Variants in TENM2 observed in about 807,000 individuals in gnomAD.
TENM2 encodes the protein teneurin-2.
In TENM2, 52 loss-of-function variants were observed where a neutral mutation model predicts 245.2. That is an observed-to-expected ratio of 0.21 (90% CI 0.17 to 0.27). The LOEUF is 0.27. TENM2 is among the 10% of genes least tolerant of loss of function. TENM2 has a pLI of 1.00. For missense variants in TENM2, 3,046 were observed against 3,666.8 expected (o/e 0.83, Z 4.37); for synonymous variants, 1,363 against 1,438.9 (o/e 0.95, Z 1.19).
chr5:167,791,413 T>C (rs1263325706), intron 2 of TENM2, among the ~76,000 whole-genome samples: 3 of 144,862 alleles, frequency 2.1e-5, no homozygotes, highest in Non-Finnish European at 1.5e-5. Flanking sequence ...CTCATAGATA[T>C]GAAATATATA....
intron 2 of TENM2, chr5:167,728,782 G>A (rs1191723001): frequency 6.6e-6 from 1 of 152,494 alleles, no homozygotes; most frequent in Admixed American, 6.5e-5. Flanking sequence ...TGGAGACAAT[G>A]TTGGTGGGAA....
At chr5:167,277,476 C>T in the TENM2 span, among the ~76,000 whole-genome samples, 1 of 152,024 alleles carries the variant, frequency 6.6e-6, no homozygotes, top group Non-Finnish European at 1.5e-5. Flanking sequence ...GGAACATACT[C>T]TGTATGATTT....
intron 5 of TENM2, among the ~76,000 whole-genome samples, chr5:168,009,414 C>G (rs1785060746): frequency 6.6e-6 from 1 of 152,184 alleles, no homozygotes; most frequent in Admixed American, 6.5e-5. Flanking sequence ...CTTACCGTAC[C>G]AGGCTGAAGG....
chr5:167,637,435 A>T (rs377464055), intron 2 of TENM2, among the ~76,000 whole-genome samples: 100 of 152,280 alleles, frequency 6.6e-4, no homozygotes, highest in African/African-American at 2.3e-3. Context: ...AAAAAATTAG[A>T]ATTTAGACCA....
Position 168,215,002 on chromosome 5 carries a change from C to T in TENM2, c.3846-38C>T. On this transcript the variant is annotated intron_variant, in intron 20 of 28. Coordinates refer to ENST00000518659, the Ensembl canonical transcript of TENM2. Reference sequence around the variant, plus strand: ...TTGATCTAGGAGGCCAGCTCCATAGCCCCCTCCTCATTTCTCTTTGTGCTT... The same window carrying T: ...TTGATCTAGGAGGCCAGCTCCATAGTCCCCTCCTCATTTCTCTTTGTGCTT... The T allele has an allele frequency of 5.1e-6, 8 of 1,565,402 alleles. No individual in the cohort carries two copies. The East Asian group carries it at 1.1e-4, about 22-fold the overall frequency.
chr5:167,353,600 C>T (rs1273091867), intron 1 of TENM2, among the ~76,000 whole-genome samples: 5 of 148,728 alleles, frequency 3.4e-5, no homozygotes, highest in South Asian at 4.3e-4. Context: ...CTCCGCCTCC[C>T]GGGTTCACGC....
chr5:167,024,249 A>T, the TENM2 span, among the ~76,000 whole-genome samples: 1 of 152,160 alleles, frequency 6.6e-6, no homozygotes, highest in Non-Finnish European at 1.5e-5. Flanking sequence ...AATTTTGGTA[A>T]ATCATTAGAA....
intron 2 of TENM2, among the ~76,000 whole-genome samples, chr5:167,567,973 T>G (rs1183169054): frequency 1.1e-5 from 1 of 88,562 alleles, no homozygotes; most frequent in Non-Finnish European, 2.4e-5. Context: ...CAATATATAT[T>G]GTACAAAAAA....
chr5:167,168,530 C>T, the TENM2 span: 1 of 152,204 alleles, frequency 6.6e-6, no homozygotes, highest in Non-Finnish European at 1.5e-5. Flanking sequence ...CAAATAATCA[C>T]TTACTTGTGC....
intron 2 of TENM2, among the ~76,000 whole-genome samples, chr5:167,427,913 GGGAA>G (rs1763971318): frequency 2.1e-5 from 3 of 143,364 alleles, no homozygotes; most frequent in Non-Finnish European, 4.6e-5. Flanking sequence ...AGGGAAGGAA[GGGAA>G]GGAAGGAAGG....
At chr5:167,840,968 A>T (rs925039583) in intron 2 of TENM2, among the ~76,000 whole-genome samples, 1 of 152,036 alleles carries the variant, frequency 6.6e-6, no homozygotes, top group African/African-American at 2.4e-5. Flanking sequence ...TTCACACAAC[A>T]CACCCAATTT....
intron 2 of TENM2, among the ~76,000 whole-genome samples, chr5:167,557,117 A>G (rs1466989358): frequency 2.0e-5 from 3 of 152,232 alleles, no homozygotes; most frequent in Non-Finnish European, 4.4e-5. Context: ...GTGCGTGTAC[A>G]CAGACCATTG....
chr5:168,100,707 G>T (rs1220536029), intron 9 of TENM2, among the ~76,000 whole-genome samples: 1 of 152,024 alleles, frequency 6.6e-6, no homozygotes, highest in Non-Finnish European at 1.5e-5. Flanking sequence ...ACACAGGGAG[G>T]GGAACATCAC....
At chr5:168,126,795 G>T in exon 12 of TENM2, 3 of 1,613,082 alleles carry the variant, frequency 1.9e-6, no homozygotes, top group Non-Finnish European at 2.5e-6. Flanking sequence ...CGTCTGCATC[G>T]GGGGAGCCTG....
At chr5:168,217,060 C>G (rs1211461669) in intron 22 of TENM2, 138 bp downstream of exon 24, 7 of 915,744 alleles carry the variant, frequency 7.6e-6, no homozygotes, top group Non-Finnish European at 5.1e-6. Flanking sequence ...TTGGAGAAAG[C>G]CTGAGATGAG....
At chr5:167,843,224 C>T (rs773315334) in intron 2 of TENM2, among the ~76,000 whole-genome samples, 4 of 152,084 alleles carry the variant, frequency 2.6e-5, no homozygotes, top group Admixed American at 1.3e-4. Context: ...ACTCGAAATA[C>T]GTTTAAGCCC....
intron 7 of TENM2, chr5:168,085,650 A>T (rs1435277388): frequency 2.6e-5 from 4 of 152,278 alleles, no homozygotes; most frequent in Admixed American, 2.0e-4. Flanking sequence ...AGAGCAAAGA[A>T]ATTGTGCTGA....
chr5:167,749,235 A>G (rs1002032053), intron 2 of TENM2, among the ~76,000 whole-genome samples: 2 of 152,218 alleles, frequency 1.3e-5, no homozygotes, highest in African/African-American at 4.8e-5. Context: ...GGATATGAAC[A>G]GAGAGATTAA....
intron 3 of TENM2, among the ~76,000 whole-genome samples, chr5:167,881,395 T>C (rs1299664198): frequency 6.6e-6 from 1 of 152,186 alleles, no homozygotes; most frequent in Non-Finnish European, 1.5e-5. Flanking sequence ...TTCTTCCTCC[T>C]CCCAGCTTCA....
Sources: allele counts gnomAD v4.1 joint callset (sites outside exome capture counted in the v4.1 genomes callset), GRCh38; gene constraint gnomAD v4.1.1; transcripts MANE v1.5; gene names NCBI Gene and HGNC (gene_info 2026-07-23, HGNC 2026-07-21).